The following KCNQ1 variants were observed in gnomAD, a reference collection of about 807,000 sequenced individuals.
The protein encoded by KCNQ1 is potassium voltage-gated channel subfamily Q member 1.
A neutral mutation model predicts 72.4 loss-of-function variants in KCNQ1; 49 were observed. The ratio of observed to expected loss-of-function variants is 0.68; its 90% confidence interval spans 0.54 to 0.86. The LOEUF (loss-of-function observed/expected upper bound fraction) is 0.86, where lower values mean the gene tolerates loss of function less well. KCNQ1 is among the 40% of genes least tolerant of loss of function. The pLI is 0.00. For missense variants in KCNQ1, 790 were observed against 945.1 expected (o/e 0.84, Z 2.15); for synonymous variants, 450 against 412.6 (o/e 1.09, Z -1.10).
At chr11:2,506,544 A>C (rs962271201) in intron 1 of KCNQ1, among the ~76,000 whole-genome samples, 2 of 152,216 alleles carry the variant, frequency 1.3e-5, no homozygotes, top group African/African-American at 4.8e-5. Flanking sequence ...GTATTCTTGA[A>C]ACAATGTTGC....
At position 2,621,133 on chromosome 11, in the gene KCNQ1, A is replaced by T; in HGVS notation, c.1393+32279A>T. The T allele has an allele frequency of 2.5e-6, 1 of 397,054 alleles. No homozygotes were observed. Among genetic ancestry groups the T allele is most frequent in the Admixed American group, 4.4e-5 (1 of 22,694 alleles). The allele number at this position is 397,054 out of a possible 1,614,324, so 24.6% of individuals were successfully genotyped here. The stretch of plus-strand genomic sequence containing the variant: ...GCTGGGATTACAGGTGACCGCCACC[A>T]TACCTGGCTAATTTTTGTGTTTTTA... On this transcript the variant is annotated intron_variant, in intron 10 of 15. Transcript: ENST00000155840. This position sits in a 1 kb window ranked among gnomAD's most constrained non-coding sequence, Gnocchi z 5.7.
chr11:2,530,154 G>A (rs991538465), intron 2 of KCNQ1, among the ~76,000 whole-genome samples: 1 of 152,190 alleles, frequency 6.6e-6, no homozygotes, highest in Non-Finnish European at 1.5e-5. Context: ...ACAGGGCGAT[G>A]TCCAATACCC....
Position 2,464,993 on chromosome 11 carries a change from G to A in KCNQ1, c.386+19509G>A, listed in dbSNP as rs369018873. On this transcript the variant is annotated intron_variant, in intron 1 of 15. Transcript: ENST00000155840. This position sits in a 1 kb window ranked among gnomAD's most constrained non-coding sequence, Gnocchi z 5.0. ...GCAGGGAGCTGCCCCGGCCGCCCCC[G>A]TGGGTGCAGGCCATGGGCTCTTGTT... is the stretch of plus-strand genomic sequence containing the variant. Among the ~76,000 whole-genome samples, 85 of 152,238 alleles carry A rather than the reference G, an allele frequency of 5.6e-4. 1 individual carries two copies. The highest frequency in any genetic ancestry group is 1.9e-3 in the African/African-American group (81 of 41,544).
chr11:2,693,502 A>T, intron 11 of KCNQ1: 1 of 398,648 alleles, frequency 2.5e-6, no homozygotes, highest in Non-Finnish European at 4.4e-6. Context: ...GGCCTTTTAG[A>T]TCCATTTCTT....
chr11:2,820,668 T>C (rs977204431), intron 15 of KCNQ1, among the ~76,000 whole-genome samples: 23 of 152,356 alleles, frequency 1.5e-4, no homozygotes, highest in Admixed American at 1.2e-3. Context: ...GATTTCTTGA[T>C]GTGTTGGTTT....
chr11:2,708,222 A>G (rs972981795), intron 11 of KCNQ1, among the ~76,000 whole-genome samples: 1 of 152,116 alleles, frequency 6.6e-6, no homozygotes, highest in Non-Finnish European at 1.5e-5. Flanking sequence ...CACCGTGCAC[A>G]CTTCTTCAGC....
intron 11 of KCNQ1, among the ~76,000 whole-genome samples, chr11:2,763,484 A>C (rs1846445176): frequency 6.6e-6 from 1 of 152,054 alleles, no homozygotes; most frequent in Non-Finnish European, 1.5e-5. Flanking sequence ...AACTTTTTTG[A>C]AAGATTTATT....
chr11:2,763,515 T>C (rs1846445520), intron 11 of KCNQ1, among the ~76,000 whole-genome samples: 1 of 152,188 alleles, frequency 6.6e-6, no homozygotes, highest in African/African-American at 2.4e-5. Context: ...TGGTCAAGTT[T>C]ATGGTTATTG....
chr11:2,587,636 G>GC lies in KCNQ1; in HGVS notation c.1201dup (p.Arg401ProfsTer62), dbSNP rs397508082. The GC allele has an allele frequency of 8.1e-6, 13 of 1,613,742 alleles. No individual in the cohort carries two copies. The highest frequency in any genetic ancestry group is 1.1e-5 in the South Asian group (1 of 91,086). On this transcript the variant is annotated frameshift_variant, in exon 9 of 16. Coordinates refer to ENST00000155840, the MANE Select transcript of KCNQ1 (RefSeq NM_000218.3). LOFTEE classifies it high-confidence loss of function. The stretch of plus-strand genomic sequence containing the variant: ...CACCTGGAAGATCTACATCCGGAAG[G>GC]CCCCCCGGAGCCACACTCTGCTGTC...
In KCNQ1 at chr11:2,783,367, T is replaced by A. The variant is rs577370204; in HGVS notation, c.1794+5330T>A. The stretch of plus-strand genomic sequence containing the variant: ...TTTGAAATATGATTTACGGCAAAAA[T>A]GTGGTCAATTTTTGTAAATGTGCCT... On this transcript the variant is annotated intron_variant, in intron 15 of 15. Transcript: ENST00000155840. This position sits in a 1 kb window ranked among gnomAD's most constrained non-coding sequence, Gnocchi z 5.2. 8.5e-5 allele frequency among the ~76,000 whole-genome samples: 13 copies of A among 152,222 alleles called. No individual in the cohort carries two copies. The South Asian group carries it at 2.7e-3, about 32-fold the overall frequency.
At chr11:2,656,720 C>T (rs897197109) in intron 10 of KCNQ1, 37 of 398,522 alleles carry the variant, frequency 9.3e-5, no homozygotes, top group Middle Eastern at 1.3e-3. Flanking sequence ...TGGGTCTTAA[C>T]TCTAATGTCA....
intron 2 of KCNQ1, among the ~76,000 whole-genome samples, chr11:2,555,183 C>T (rs954033129): frequency 6.6e-6 from 1 of 152,266 alleles, no homozygotes; most frequent in African/African-American, 2.4e-5. Flanking sequence ...AAGAAGGGTG[C>T]TCAGCCCCTG....
chr11:2,559,225 C>G lies in KCNQ1; in HGVS notation c.478-11403C>G, dbSNP rs969470340. Among the ~76,000 whole-genome samples the G allele has an allele frequency of 6.6e-6, 1 of 152,088 alleles. No homozygotes were observed. The highest frequency in any genetic ancestry group is 2.4e-5 in the African/African-American group (1 of 41,518). ...TCCCAGAGGTGCTTCCCGGGAAGCCCGTGGAGAGGATGCATTCGACACCCA... is the reference window on the plus strand; with the variant it reads ...TCCCAGAGGTGCTTCCCGGGAAGCCGGTGGAGAGGATGCATTCGACACCCA... On this transcript the variant is annotated intron_variant, in intron 2 of 15. Coordinates refer to ENST00000155840, the MANE Select transcript of KCNQ1 (RefSeq NM_000218.3). The surrounding 1 kb of genome is among the most constrained non-coding windows in gnomAD (Gnocchi z 4.9).
chr11:2,576,152 TA>T (rs1848420183), intron 6 of KCNQ1, among the ~76,000 whole-genome samples: 1 of 152,150 alleles, frequency 6.6e-6, no homozygotes, highest in Non-Finnish European at 1.5e-5. Context: ...GAATATGAAT[TA>T]GGGGGGATGC....
intron 11 of KCNQ1, among the ~76,000 whole-genome samples, chr11:2,721,740 G>A (rs1437081798): frequency 2.0e-5 from 3 of 152,214 alleles, no homozygotes; most frequent in South Asian, 2.1e-4. Flanking sequence ...CAGCAGCGGT[G>A]GTGATGGTCC....
At position 2,509,429 on chromosome 11, in the gene KCNQ1, G is replaced by C. The variant is rs1226850904; in HGVS notation, c.387-18499G>C. ...CCTTTGCTCCAGTGAGTGGCCGTTG[G>C]CTGGGAGGCTGGGTCTGTGCTGTGT... On this transcript the variant is annotated intron_variant, in intron 1 of 15. Transcript: ENST00000155840. The surrounding 1 kb of genome is among the most constrained non-coding windows in gnomAD (Gnocchi z 6.3). 1.3e-5 allele frequency among the ~76,000 whole-genome samples: 2 copies of C among 152,124 alleles called. No individual in the cohort carries two copies. The highest frequency in any genetic ancestry group is 4.8e-5 in the African/African-American group (2 of 41,434).
At chr11:2,640,804 C>G in intron 10 of KCNQ1, 1 of 398,516 alleles carries the variant, frequency 2.5e-6, no homozygotes, top group Non-Finnish European at 4.4e-6. Flanking sequence ...TATTTTTACC[C>G]ACTAACCAAC....
chr11:2,786,594 A>T (rs201894939), intron 15 of KCNQ1, among the ~76,000 whole-genome samples: 2 of 134,506 alleles, frequency 1.5e-5, no homozygotes, highest in African/African-American at 5.5e-5. Context: ...TTTTTTTTTT[A>T]AATCACTTTG....
intron 11 of KCNQ1, among the ~76,000 whole-genome samples, chr11:2,742,880 G>C (rs1375541237): frequency 6.6e-6 from 1 of 152,098 alleles, no homozygotes; most frequent in Non-Finnish European, 1.5e-5. Flanking sequence ...CCAGTGCTCC[G>C]AGCCCCCACA....
Sources: gnomAD v4.1 joint callset for allele counts (sites outside exome capture counted in the v4.1 genomes callset) on GRCh38, gnomAD v4.1.1 for gene constraint, Gnocchi (gnomAD v3.1) non-coding constraint, MANE v1.5 for transcripts, NCBI Gene and HGNC (gene_info 2026-07-23, HGNC 2026-07-21) for gene names.